INTS3: variants seen among roughly 807,000 people sequenced by gnomAD.
The protein encoded by INTS3 is integrator complex subunit 3.
Under a neutral mutation model 146.3 loss-of-function variants are expected in INTS3, and 34 were observed. The ratio of observed to expected loss-of-function variants is 0.23; its 90% CI spans 0.18 to 0.31. The LOEUF (loss-of-function observed/expected upper bound fraction) is 0.31. INTS3 is among the 10% of genes least tolerant of loss of function. The pLI is 1.00. For synonymous variants in INTS3, 475 were observed against 494.9 expected (o/e 0.96, Z 0.53); for missense variants, 757 against 1,304.2 (o/e 0.58, Z 6.46).
chr1:153,772,472 A>G lies in INTS3; in HGVS notation c.2821+32A>G, dbSNP rs564271513. The G allele has an allele frequency of 1.1e-5, 18 of 1,614,084 alleles. No homozygotes were observed. In the South Asian group the frequency reaches 1.6e-4, roughly 15 times the overall value. On this transcript the variant is annotated intron_variant, in intron 27 of 29. Coordinates refer to ENST00000318967, the MANE Select transcript of INTS3 (RefSeq NM_023015.5). The surrounding 1 kb of genome is among the most constrained non-coding windows in gnomAD (Gnocchi z 4.6). ...CTTCCACCCTCGGCGTCCAGTGTAG[A>G]CGGTGCTGCCCTGGCCCAGACTATG... is the stretch of plus-strand genomic sequence containing the variant.
chr1:153,760,447 C>A, intron 12 of INTS3, 57 bp downstream of exon 12: 2 of 1,374,652 alleles, frequency 1.5e-6, no homozygotes, highest in Non-Finnish European at 1.0e-6. Context: ...TTCAGTGTAT[C>A]TCCCCTAATC....
intron 21 of INTS3, 87 bp from the exon 22 acceptor site, chr1:153,768,806 T>G: frequency 9.6e-7 from 1 of 1,042,372 alleles, no homozygotes; most frequent in Non-Finnish European, 1.5e-6. Flanking sequence ...CAGTCAAACC[T>G]TGAGATGTAA....
chr1:153,770,425 C>T, intron 24 of INTS3, 114 bp downstream of exon 24: 1 of 785,004 alleles, frequency 1.3e-6, no homozygotes, highest in Non-Finnish European at 2.2e-6. Flanking sequence ...TCCTCCTTCC[C>T]ACCAAAGTGC....
rs1672917795 is a variant in INTS3 at position 153,772,217 on chromosome 1, G to A, written c.2721-123G>A. 4 of 1,168,690 alleles carry A rather than the reference G, an allele frequency of 3.4e-6. No individual in the cohort carries two copies. The highest frequency in any genetic ancestry group is 4.9e-4 in the Middle Eastern group (2 of 4,066). 72.4% of individuals were successfully genotyped at this position (1,168,690 alleles called of 1,614,324 possible). A position where few individuals can be genotyped will look rare whatever the true frequency, so the allele number is the denominator to read the frequency against. On this transcript the variant is annotated intron_variant, in intron 26 of 29. Transcript: ENST00000318967. The surrounding 1 kb of genome is among the most constrained non-coding windows in gnomAD (Gnocchi z 4.6). ...TTCTCACCCAACCCCAGCCCTCCCAGGCTGCCTATCCTGTTCCCCATGTAG... is the reference window on the plus strand; with the variant it reads ...TTCTCACCCAACCCCAGCCCTCCCAAGCTGCCTATCCTGTTCCCCATGTAG...
intron 9 of INTS3, among the ~76,000 whole-genome samples, chr1:153,756,534 G>A (rs996486991): frequency 1.3e-5 from 2 of 151,514 alleles, no homozygotes; most frequent in African/African-American, 2.4e-5. Context: ...TAATAATTGG[G>A]GCCAAGTGCG....
chr1:153,760,827 A>G lies in INTS3; in HGVS notation c.1318A>G (p.Ile440Val), dbSNP rs113352959. 1.9e-6 allele frequency: 3 copies of G among 1,613,108 alleles called. No individual in the cohort carries two copies. Among genetic ancestry groups the G allele is most frequent in the Non-Finnish European group, 2.5e-6 (3 of 1,179,124 alleles). Residue 440 changes from isoleucine (I) to valine (V), a missense_variant and splice_region_variant, in exon 13 of 30, where the codon ATC (isoleucine) becomes GTC (valine). Ile to Val is a conservative substitution (Grantham distance 29). This residue lies in a region of INTS3 where 35 missense variants were observed against 122.2 expected (regional missense o/e 0.29). Coordinates refer to ENST00000318967, the MANE Select transcript of INTS3 (RefSeq NM_023015.5). The part of the protein sequence containing the change: ...TATLLDFMCR[I>V]IPNFYPPLEG... ...TTTTCCCCTCCTTCTTCGCTTCCAG[A>G]TCATTCCCAACTTCTATCCACCATT...
chr1:153,750,031 C>T (rs527353884), intron 6 of INTS3, among the ~76,000 whole-genome samples: 1 of 152,308 alleles, frequency 6.6e-6, no homozygotes, highest in African/African-American at 2.4e-5. Context: ...CCAAATGTTT[C>T]TAGGGCTGTG....
intron 6 of INTS3, 132 bp from the exon 7 acceptor site, chr1:153,750,963 A>G: frequency 1.1e-6 from 1 of 893,578 alleles, no homozygotes; most frequent in Non-Finnish European, 1.7e-6. Flanking sequence ...CAAGCAAAAA[A>G]TCAAAGCATC....
intron 1 of INTS3, among the ~76,000 whole-genome samples, chr1:153,739,811 T>C (rs1204136316): frequency 1.3e-5 from 2 of 151,718 alleles, no homozygotes; most frequent in Admixed American, 6.6e-5. Flanking sequence ...ATATATTTTT[T>C]TGAGACAGAG....
At chr1:153,763,730 G>A in intron 16 of INTS3, 102 bp from the exon 17 acceptor site, 1 of 1,007,082 alleles carries the variant, frequency 9.9e-7, no homozygotes, top group South Asian at 1.4e-5. Context: ...CCTTTGTTTT[G>A]TCTCTGTGCA....
In INTS3 at chr1:153,728,521, C is replaced by T. The variant is rs970598078; in HGVS notation, c.-114C>T. 9 of 1,342,648 alleles carry T rather than the reference C, an allele frequency of 6.7e-6. No individual in the cohort carries two copies. In the Admixed American group the frequency reaches 1.5e-4, roughly 23 times the overall value. 83.2% of individuals were successfully genotyped at this position (1,342,648 alleles called of 1,614,324 possible). ...TGGAGAGGACAGGGGCCCTTGCTCTCCCCTCCCCAACTTGTTCCTCTTGCC... is the reference window on the plus strand; with the variant it reads ...TGGAGAGGACAGGGGCCCTTGCTCTTCCCTCCCCAACTTGTTCCTCTTGCC... On this transcript the variant is annotated 5_prime_UTR_variant, in exon 1 of 30. Coordinates refer to ENST00000318967, the MANE Select transcript of INTS3 (RefSeq NM_023015.5).
At chr1:153,761,055 G>C (rs1280362370) in intron 13 of INTS3, 137 bp downstream of exon 13, 37 of 1,466,356 alleles carry the variant, frequency 2.5e-5, no homozygotes, top group Non-Finnish European at 3.2e-5. Flanking sequence ...AGACTGCTGG[G>C]CATATGTCTT....
intron 20 of INTS3, among the ~76,000 whole-genome samples, chr1:153,766,108 T>A (rs1672568384): frequency 6.7e-6 from 1 of 149,852 alleles, no homozygotes; most frequent in Non-Finnish European, 1.5e-5. Flanking sequence ...CTTGCTTTTT[T>A]CTTTCTCTTT....
chr1:153,759,343 A>G (rs1052389240), intron 10 of INTS3, among the ~76,000 whole-genome samples, 183 bp from the exon 11 acceptor site: 2 of 152,032 alleles, frequency 1.3e-5, no homozygotes, highest in South Asian at 2.1e-4. Context: ...GGTTAAGACC[A>G]TAAGACCACA....
chr1:153,770,305 T>TA lies in INTS3; in HGVS notation c.2498dup (p.Tyr833Ter). ...TIIPILQHLK[Y>*]KEHPEALSCL... ...AATCCCCATCCTGCAGCACCTCAAA[T>TA]ACAAGGGTGAGTAGGCTTTTGGGTA... Residue 833 changes from tyrosine to a stop codon, truncating the protein, a stop_gained and frameshift_variant, in exon 24 of 30, where the codon TAC becomes TAAC. Transcript: ENST00000318967. LOFTEE classifies it high-confidence loss of function. 6.3e-7 allele frequency: 1 copy of TA among 1,596,438 alleles called. No individual in the cohort carries two copies. Among genetic ancestry groups the TA allele is most frequent in the Non-Finnish European group, 8.6e-7 (1 of 1,163,894 alleles).
chr1:153,741,045 A>T (rs1318559824), intron 2 of INTS3, among the ~76,000 whole-genome samples: 1 of 152,036 alleles, frequency 6.6e-6, no homozygotes, highest in African/African-American at 2.4e-5. Context: ...GGCTCAAGCG[A>T]TCCTTCTGCT....
At chr1:153,763,772 G>C (rs1288108656) in intron 16 of INTS3, 60 bp from the exon 17 acceptor site, 1 of 1,406,532 alleles carries the variant, frequency 7.1e-7, no homozygotes, top group Non-Finnish European at 1.0e-6. Context: ...TTCTGGGTGT[G>C]TGTCCTGCCC....
rs756273000 is a variant in INTS3, at chr1:153,772,308, C to T, written c.2721-32C>T. The stretch of plus-strand genomic sequence containing the variant: ...TCTCGCACTCTGGAACCCTCCCACA[C>T]TCAGACTCTGGCTCTGGTGATTCCT... On this transcript the variant is annotated intron_variant, in intron 26 of 29. Transcript: ENST00000318967. This position sits in a 1 kb window ranked among gnomAD's most constrained non-coding sequence, Gnocchi z 4.6. 74 of 1,606,982 alleles carry T rather than the reference C, an allele frequency of 4.6e-5. No homozygotes were observed. Among genetic ancestry groups the T allele is most frequent in the Non-Finnish European group, 6.2e-5 (73 of 1,175,574 alleles).
intron 3 of INTS3, among the ~76,000 whole-genome samples, chr1:153,742,505 T>TGTGTGTGTGTGTGC (rs1016595219): frequency 3.3e-5 from 5 of 151,810 alleles, no homozygotes; most frequent in African/African-American, 1.2e-4. Flanking sequence ...TGTGTGTGTG[T>TGTGTGTGTGTGTGC]GTGCGTGCGC....
Sources: allele counts gnomAD v4.1 joint callset (sites outside exome capture counted in the v4.1 genomes callset), GRCh38; gene constraint gnomAD v4.1.1; regional missense constraint gnomAD v4.1.1; non-coding constraint Gnocchi (gnomAD v3.1); transcripts MANE v1.5; gene names NCBI Gene and HGNC (gene_info 2026-07-23, HGNC 2026-07-21).